The following ZNF248 variants were observed in gnomAD, a reference collection of about 807,000 sequenced individuals.
ZNF248 encodes the protein zinc finger protein 248.
ZNF248 carries 20 observed loss-of-function variants against 44.3 expected under a neutral mutation model. The ratio of observed to expected loss-of-function variants is 0.45; its 90% CI spans 0.32 to 0.66. ZNF248 has a LOEUF of 0.66. Ranked by LOEUF, ZNF248 falls within the 30% of genes least tolerant of loss-of-function variation. The probability of loss-of-function intolerance (pLI) is 0.04; values close to 1 mark genes in which losing one functional copy is unlikely to be tolerated. For synonymous variants in ZNF248, 224 were observed against 229.0 expected (o/e 0.98, Z 0.20); for missense variants, 654 against 677.0 (o/e 0.97, Z 0.38).
At chr10:37,844,423 T>TAA (rs146568720) in intron 3 of ZNF248, among the ~76,000 whole-genome samples, 1 of 151,954 alleles carries the variant, frequency 6.6e-6, no homozygotes, top group Admixed American at 6.6e-5. Context: ...AGAGCTCTAG[T>TAA]AAAAAAAATG....
intron 3 of ZNF248, among the ~76,000 whole-genome samples, chr10:37,853,668 C>T (rs563749380): frequency 5.3e-5 from 8 of 152,166 alleles, no homozygotes; most frequent in Non-Finnish European, 7.4e-5. Flanking sequence ...GCAGGAGCCA[C>T]GGTGCCCGGC....
chr10:37,786,672 T>C (rs1016320537), intron 6 of ZNF248, among the ~76,000 whole-genome samples: 2 of 152,210 alleles, frequency 1.3e-5, no homozygotes, highest in Admixed American at 6.5e-5. Flanking sequence ...CTTTTTGTTT[T>C]ATGGATTTCA....
intron 3 of ZNF248, 151 bp downstream of exon 3, chr10:37,856,145 A>G (rs2061244905): frequency 1.3e-6 from 1 of 745,562 alleles, no homozygotes; most frequent in African/African-American, 1.7e-5. Context: ...TAATTTGCCA[A>G]CTGCACTATT....
the ZNF248 span, among the ~76,000 whole-genome samples, chr10:37,768,652 G>T: frequency 2.0e-5 from 3 of 152,238 alleles, no homozygotes; most frequent in African/African-American, 7.2e-5. Context: ...AGCACTAAAT[G>T]CCGACAAGAG....
chr10:37,828,948 G>C lies in ZNF248; in HGVS notation c.*2667C>G. On this transcript the variant is annotated 3_prime_UTR_variant, in exon 6 of 6. Transcript: ENST00000395867. ...GTTTACTTATGCTAACAGGAAAGCA[G>C]AACAAACAGAAACACTTAACTTGCA... is the stretch of plus-strand genomic sequence containing the variant. The C allele has an allele frequency of 1.0e-6, 1 of 985,464 alleles. No homozygotes were observed. Among genetic ancestry groups the C allele is most frequent in the Non-Finnish European group, 1.2e-6 (1 of 829,936 alleles). 61.0% of individuals were successfully genotyped at this position (985,464 alleles called of 1,614,324 possible). A position where few individuals can be genotyped will look rare whatever the true frequency, so the allele number is the denominator to read the frequency against.
intron 3 of ZNF248, among the ~76,000 whole-genome samples, chr10:37,842,135 T>C (rs1282202003): frequency 1.3e-5 from 2 of 152,178 alleles, no homozygotes; most frequent in Admixed American, 6.5e-5. Flanking sequence ...GGGAGGTATA[T>C]GGAAACTCTT....
intron 5 of ZNF248, among the ~76,000 whole-genome samples, chr10:37,834,948 C>A (rs1466989203): frequency 6.6e-6 from 1 of 151,966 alleles, no homozygotes; most frequent in Non-Finnish European, 1.5e-5. Context: ...CTATTATAGT[C>A]ATTGAAAGGG....
At chr10:37,843,928 T>C (rs377222615) in intron 3 of ZNF248, among the ~76,000 whole-genome samples, 27 of 152,102 alleles carry the variant, frequency 1.8e-4, no homozygotes, top group African/African-American at 5.1e-4. Context: ...TGGGACACCT[T>C]TGAGTGGACT....
chr10:37,805,746 G>A (rs970167873), intron 6 of ZNF248, among the ~76,000 whole-genome samples: 12 of 152,000 alleles, frequency 7.9e-5, no homozygotes, highest in African/African-American at 1.5e-4. Flanking sequence ...ATATTCTAAC[G>A]TAATAATACT....
chr10:37,789,180 T>C (rs2048231210), intron 6 of ZNF248, among the ~76,000 whole-genome samples: 2 of 152,090 alleles, frequency 1.3e-5, no homozygotes, highest in South Asian at 4.1e-4. Context: ...TGTTTTTGGG[T>C]GATATAAATG....
chr10:37,773,432 C>T (rs1490209992), downstream of ZNF248, among the ~76,000 whole-genome samples: 1 of 152,086 alleles, frequency 6.6e-6, no homozygotes, highest in Non-Finnish European at 1.5e-5. Flanking sequence ...GAACATTTGT[C>T]ACTGTTGGAG....
At chr10:37,765,177 G>A in the ZNF248 span, among the ~76,000 whole-genome samples, 9 of 152,100 alleles carry the variant, frequency 5.9e-5, no homozygotes, top group East Asian at 7.7e-4. Context: ...GGCTGGTCTC[G>A]AACTCTTGAC....
At chr10:37,815,303 A>G (rs1036840346) in intron 6 of ZNF248, among the ~76,000 whole-genome samples, 2 of 152,096 alleles carry the variant, frequency 1.3e-5, no homozygotes, top group African/African-American at 2.4e-5. Context: ...ACCTCAGGTG[A>G]TCTGCCTGCC....
intron 6 of ZNF248, among the ~76,000 whole-genome samples, chr10:37,788,262 TAAAAAAA>T (rs59927437): frequency 4.5e-5 from 5 of 110,350 alleles, no homozygotes; most frequent in Admixed American, 3.0e-4. Flanking sequence ...GACTCCATCT[TAAAAAAA>T]AAAAAAAAAA....
At position 37,832,899 on chromosome 10, in the gene ZNF248, G is replaced by A. The variant is rs1332898277; in HGVS notation, c.456C>T (p.Gly152=). 6.2e-7 allele frequency: 1 copy of A among 1,612,962 alleles called. No homozygotes were observed. Among genetic ancestry groups the A allele is most frequent in the African/African-American group, 1.3e-5 (1 of 74,780 alleles). The change falls in exon 6 of 6, where the codon GGC becomes GGT. Residue 152 remains glycine, a synonymous_variant. Transcript: ENST00000395867. ...AACAGTTCTTTTTACTAATAATTAA[G>A]CCCGAAATATTTTTCAAATTCATTT... The part of the protein sequence containing the change: ...SCEMNLKNIS[G]LIISKKNCSR...
At chr10:37,817,776 C>T (rs1286970308) in intron 6 of ZNF248, among the ~76,000 whole-genome samples, 1 of 152,112 alleles carries the variant, frequency 6.6e-6, no homozygotes, top group Non-Finnish European at 1.5e-5. Flanking sequence ...TTTTTTCCCC[C>T]CGAAGTCAAA....
chr10:37,849,945 C>A (rs557297538), intron 3 of ZNF248, among the ~76,000 whole-genome samples: 1 of 152,072 alleles, frequency 6.6e-6, no homozygotes, highest in East Asian at 1.9e-4. Context: ...GTGGCAGGTG[C>A]CTGTAATCCC....
At chr10:37,849,513 T>G (rs1308087108) in intron 3 of ZNF248, among the ~76,000 whole-genome samples, 2 of 151,698 alleles carry the variant, frequency 1.3e-5, no homozygotes, top group African/African-American at 4.8e-5. Context: ...TGAAACCCCG[T>G]TTCTACTAAA....
chr10:37,790,679 C>T (rs994189481), intron 6 of ZNF248, among the ~76,000 whole-genome samples: 2 of 151,182 alleles, frequency 1.3e-5, no homozygotes, highest in African/African-American at 4.8e-5. Flanking sequence ...CACTGCACTC[C>T]AGCCTGGCGA....
Sources: gnomAD v4.1 joint callset for allele counts (sites outside exome capture counted in the v4.1 genomes callset) on GRCh38, gnomAD v4.1.1 for gene constraint, MANE v1.5 for transcripts, NCBI Gene and HGNC (gene_info 2026-07-23, HGNC 2026-07-21) for gene names.